Variants in SLC5A4 observed in about 807,000 individuals in gnomAD.
SLC5A4 encodes probable glucose sensor protein SLC5A4.
SLC5A4 carries 55 observed loss-of-function variants against 70.3 expected under a neutral mutation model. The observed-to-expected ratio is 0.78, with a 90% CI of 0.63 to 0.98. The LOEUF (loss-of-function observed/expected upper bound fraction) is 0.98, where lower values mean the gene tolerates loss of function less well. Among genes scored for constraint, SLC5A4 ranks in the 50% least tolerant of loss-of-function variants. The pLI, the probability that SLC5A4 is intolerant of heterozygous loss-of-function variation, is 0.00. For synonymous variants in SLC5A4, 268 were observed against 305.7 expected (o/e 0.88, Z 1.29); for missense variants, 735 against 839.2 (o/e 0.88, Z 1.53).
chr22:32,218,708 G>GT lies in SLC5A4; in HGVS notation c.1785dup (p.Arg596ThrfsTer9). 1 of 1,613,498 alleles carries GT rather than the reference G, an allele frequency of 6.2e-7. No individual in the cohort carries two copies. The highest frequency in any genetic ancestry group is 8.5e-7 in the Non-Finnish European group (1 of 1,179,570). On this transcript the variant is annotated frameshift_variant, in exon 15 of 15. Coordinates refer to ENST00000266086, the MANE Select transcript of SLC5A4 (RefSeq NM_014227.3). LOFTEE classifies it low-confidence loss of function (END_TRUNC). Reference sequence around the variant, plus strand: ...TCATAAGCTTTCTTGAGGCATCCACGTGATTTCTCAGGATAATCTGGAACA... The same window carrying GT: ...TCATAAGCTTTCTTGAGGCATCCACGTTGATTTCTCAGGATAATCTGGAACA...
chr22:32,239,239 C>T, intron 5 of SLC5A4, 149 bp from the exon 6 acceptor site: 2 of 647,252 alleles, frequency 3.1e-6, no homozygotes. Context: ...CAGAGTAATA[C>T]CTTCCATAAA....
At chr22:32,342,556 T>C in the SLC5A4 span, among the ~76,000 whole-genome samples, 1 of 152,154 alleles carries the variant, frequency 6.6e-6, no homozygotes, top group South Asian at 2.1e-4. Flanking sequence ...TAGAAGTACT[T>C]AGAATTTACT....
the SLC5A4 span, among the ~76,000 whole-genome samples, chr22:32,353,330 G>A: frequency 6.6e-6 from 1 of 152,046 alleles, no homozygotes; most frequent in African/African-American, 2.4e-5. Flanking sequence ...CTCCACCCAC[G>A]GGGCCCTATC....
chr22:32,239,584 A>ATATATATATT lies in SLC5A4; in HGVS notation c.478-495_478-494insAATATATATA, dbSNP rs1227615522. ...TATATATATATTTATATATATATTT[A>ATATATATATT]TATATATATAAATTATATAAAATAT... On this transcript the variant is annotated intron_variant, in intron 5 of 14. Coordinates refer to ENST00000266086, the MANE Select transcript of SLC5A4 (RefSeq NM_014227.3). Among the ~76,000 whole-genome samples the ATATATATATT allele has an allele frequency of 7.1e-5, 3 of 42,236 alleles. No homozygotes were observed. In the East Asian group the frequency reaches 1.4e-3, roughly 20 times the overall value. 27.7% of individuals were successfully genotyped at this position (42,236 alleles called of 152,430 possible).
rs375071715 is a variant in SLC5A4 at position 32,243,803 on chromosome 22, A to G, written c.477+3608T>C. On this transcript the variant is annotated intron_variant, in intron 5 of 14. Coordinates refer to ENST00000266086, the MANE Select transcript of SLC5A4 (RefSeq NM_014227.3). Reference sequence around the variant, plus strand: ...GGAGTTTGAGCCCAGCCTAGCCAACATGGTGAAACCCCATCTCTACTAAAA... The same window carrying G: ...GGAGTTTGAGCCCAGCCTAGCCAACGTGGTGAAACCCCATCTCTACTAAAA... Among the ~76,000 whole-genome samples, 45 of 152,318 alleles carry G rather than the reference A, an allele frequency of 3.0e-4. 2 individuals are homozygous for G. The South Asian group carries it at 8.9e-3, about 30-fold the overall frequency.
intron 3 of SLC5A4, among the ~76,000 whole-genome samples, chr22:32,250,914 C>T (rs1927102023): frequency 6.6e-6 from 1 of 151,746 alleles, no homozygotes; most frequent in African/African-American, 2.4e-5. Context: ...AATGAGAACA[C>T]ATGGACACAG....
At chr22:32,247,182 C>G (rs1926877910) in intron 5 of SLC5A4, among the ~76,000 whole-genome samples, 2 of 152,150 alleles carry the variant, frequency 1.3e-5, no homozygotes, top group Admixed American at 1.3e-4. Flanking sequence ...GATTTATACC[C>G]AGAGCCTCTC....
upstream of SLC5A4, among the ~76,000 whole-genome samples, chr22:32,256,132 C>T (rs888690896): frequency 1.3e-5 from 2 of 152,184 alleles, no homozygotes; most frequent in African/African-American, 4.8e-5. Flanking sequence ...GCTTGGGCAA[C>T]ATAGGGAGTC....
the SLC5A4 span, among the ~76,000 whole-genome samples, chr22:32,349,082 T>TC: frequency 2.6e-5 from 4 of 152,068 alleles, no homozygotes; most frequent in African/African-American, 9.7e-5. Context: ...TCAAGTGATT[T>TC]CCCTGCCTCA....
chr22:32,256,122 G>A (rs1269221117), upstream of SLC5A4, among the ~76,000 whole-genome samples: 1 of 152,166 alleles, frequency 6.6e-6, no homozygotes, highest in Non-Finnish European at 1.5e-5. Flanking sequence ...TTCAAGACCA[G>A]CTTGGGCAAC....
chr22:32,334,279 C>T, the SLC5A4 span, among the ~76,000 whole-genome samples: 1 of 152,140 alleles, frequency 6.6e-6, no homozygotes, highest in Non-Finnish European at 1.5e-5. Flanking sequence ...TGCTGGCGTC[C>T]CATGGTGGTA....
chr22:32,294,535 T>G, the SLC5A4 span, among the ~76,000 whole-genome samples: 1 of 152,026 alleles, frequency 6.6e-6, no homozygotes, highest in Non-Finnish European at 1.5e-5. Context: ...CTGTGGCTCT[T>G]TGAGAGCCAC....
At chr22:32,325,530 G>A in the SLC5A4 span, among the ~76,000 whole-genome samples, 1 of 152,248 alleles carries the variant, frequency 6.6e-6, no homozygotes, top group Non-Finnish European at 1.5e-5. Context: ...CCCGGCAGGG[G>A]TGAGTATGGA....
chr22:32,271,156 C>G, the SLC5A4 span: 9 of 677,322 alleles, frequency 1.3e-5, no homozygotes, highest in East Asian at 2.5e-4. Context: ...CCACTGGTGC[C>G]TGCTGTTGCA....
At chr22:32,331,111 GTGTGTGTTCGAGGCTCTGGTGTGTC>G in the SLC5A4 span, among the ~76,000 whole-genome samples, 73 of 125,196 alleles carry the variant, frequency 5.8e-4, no homozygotes, top group Non-Finnish European at 8.3e-4. Flanking sequence ...GGAGGCTCTT[GTGTGTGTTCGAGGCTCTGGTGTGTC>G]TGTGTGTTGG....
chr22:32,283,118 T>C, the SLC5A4 span, among the ~76,000 whole-genome samples: 2 of 152,138 alleles, frequency 1.3e-5, no homozygotes, highest in Non-Finnish European at 2.9e-5. Context: ...TTCTCTAACA[T>C]CCCCTCCTAT....
chr22:32,332,979 A>G, the SLC5A4 span, among the ~76,000 whole-genome samples: 103,594 of 152,100 alleles, frequency 0.68, 36,432 homozygotes, highest in African/African-American at 0.88. Flanking sequence ...ATCCATTCTT[A>G]CCCCTGATCA....
the SLC5A4 span, among the ~76,000 whole-genome samples, chr22:32,297,745 T>G: frequency 8.2e-6 from 1 of 122,614 alleles, no homozygotes; most frequent in African/African-American, 3.0e-5. Context: ...ATTGTGATTT[T>G]AGGGTGTCAA....
the SLC5A4 span, chr22:32,271,863 T>A: frequency 6.6e-6 from 4 of 604,720 alleles, no homozygotes; most frequent in Non-Finnish European, 3.2e-6. Flanking sequence ...TGCTGCACGG[T>A]CCACTGTGTG....
Sources: allele counts gnomAD v4.1 joint callset (sites outside exome capture counted in the v4.1 genomes callset), GRCh38; gene constraint gnomAD v4.1.1; transcripts MANE v1.5; gene names NCBI Gene and HGNC (gene_info 2026-07-23, HGNC 2026-07-21).